The following WDR88 variants were observed in gnomAD, a reference collection of about 807,000 sequenced individuals.
WDR88 encodes WD repeat-containing protein 88.
WDR88 carries 40 observed loss-of-function variants against 46.8 expected under a neutral mutation model. The ratio of observed to expected loss-of-function variants is 0.86; its 90% CI spans 0.66 to 1.11. The LOEUF is 1.11. WDR88 is among the 50% of genes most tolerant of loss of function. The pLI is 0.00. For missense variants in WDR88, 562 were observed against 602.4 expected, an observed-to-expected ratio of 0.93 and a Z score of 0.70; for synonymous variants, 235 against 240.7, an observed-to-expected ratio of 0.98 and a Z score of 0.22.
At position 33,148,753 on chromosome 19, in the gene WDR88, G is replaced by C; in HGVS notation, c.541-19G>C. 1 of 1,614,000 alleles carries C rather than the reference G, an allele frequency of 6.2e-7. No individual in the cohort carries two copies. ...CACACCTGGCTTAAAACAACCTTTT[G>C]ATTGCTGGCTCATTTCAGTGGAAGG... On this transcript the variant is annotated intron_variant, in intron 4 of 10. Coordinates refer to ENST00000355868, the MANE Select transcript of WDR88 (RefSeq NM_173479.4).
At chr19:33,165,527 C>A (rs1236369035) in intron 9 of WDR88, among the ~76,000 whole-genome samples, 1 of 152,016 alleles carries the variant, frequency 6.6e-6, no homozygotes, top group Non-Finnish European at 1.5e-5. Flanking sequence ...AGCAAAACAA[C>A]AGGACTAGTG....
intron 7 of WDR88, among the ~76,000 whole-genome samples, chr19:33,157,669 G>A (rs397833341): frequency 7.4e-3 from 12 of 1,614 alleles, no homozygotes; most frequent in Admixed American, 0.012. Flanking sequence ...ATGTATGTAT[G>A]TGTGTGTGTG....
At chr19:33,145,634 G>A (rs151274362) in intron 3 of WDR88, among the ~76,000 whole-genome samples, 1 of 150,348 alleles carries the variant, frequency 6.7e-6, no homozygotes, top group Non-Finnish European at 1.5e-5. Flanking sequence ...TCCTGGGTTC[G>A]AGTGATTCTC....
chr19:33,164,214 G>C lies in WDR88; in HGVS notation c.1098G>C (p.Val366=), dbSNP rs753552937. The C allele has an allele frequency of 6.2e-7, 1 of 1,614,040 alleles. No individual in the cohort carries two copies. Among genetic ancestry groups the C allele is most frequent in the Admixed American group, 1.7e-5 (1 of 60,030 alleles). Residue 366 remains valine, a synonymous_variant, in exon 9 of 11, where the codon GTG becomes GTC. Transcript: ENST00000355868. ...KLSLKGHNDW[V]MDVAISNNKK... ...TTCTTCAGGGCCATAATGACTGGGT[G>C]ATGGATGTTGCCATTAGCAACAACA...
intron 1 of WDR88, 35 bp downstream of exon 1, chr19:33,132,480 C>G (rs372088185): frequency 1.6e-4 from 258 of 1,604,702 alleles, no homozygotes; most frequent in Non-Finnish European, 2.1e-4. Flanking sequence ...GGGCACTGGC[C>G]TGTTCCCCAC....
intron 9 of WDR88, among the ~76,000 whole-genome samples, chr19:33,168,655 G>T (rs931283959): frequency 6.6e-6 from 1 of 152,176 alleles, no homozygotes; most frequent in African/African-American, 2.4e-5. Flanking sequence ...TCATGGATAG[G>T]AAGACTCATC....
rs1235139718 is a variant in WDR88, at chr19:33,175,650, T to C, written c.*78T>C. 2.6e-6 allele frequency: 4 copies of C among 1,553,408 alleles called. No homozygotes were observed. Among genetic ancestry groups the C allele is most frequent in the Non-Finnish European group, 2.6e-6 (3 of 1,139,088 alleles). On this transcript the variant is annotated 3_prime_UTR_variant, in exon 11 of 11. Transcript: ENST00000355868. ...TTCGGGGCTTTGCAGGGGCTTTCTCTTGGGCCCCTCCCAGGCTCAGCAGGC... is the reference window on the plus strand; with the variant it reads ...TTCGGGGCTTTGCAGGGGCTTTCTCCTGGGCCCCTCCCAGGCTCAGCAGGC...
intron 4 of WDR88, among the ~76,000 whole-genome samples, chr19:33,148,370 G>T (rs1359059292): frequency 6.6e-6 from 1 of 152,048 alleles, no homozygotes; most frequent in Non-Finnish European, 1.5e-5. Context: ...TAGTGCAAAG[G>T]TCAGTTTGTA....
chr19:33,143,358 A>AG (rs1042582659), intron 2 of WDR88, among the ~76,000 whole-genome samples: 2 of 147,282 alleles, frequency 1.4e-5, no homozygotes, highest in African/African-American at 5.0e-5. Flanking sequence ...AAAAAAAAAA[A>AG]AAAGGCTGGT....
chr19:33,154,716 C>T (rs1973701672), intron 6 of WDR88, among the ~76,000 whole-genome samples: 1 of 152,040 alleles, frequency 6.6e-6, no homozygotes, highest in East Asian at 1.9e-4. Flanking sequence ...TCTGGGTATA[C>T]CTCTGGTTTA....
At chr19:33,147,061 A>C (rs1183090559) in intron 3 of WDR88, among the ~76,000 whole-genome samples, 2 of 146,706 alleles carry the variant, frequency 1.4e-5, no homozygotes, top group East Asian at 2.0e-4. Context: ...TCTCTAAGGA[A>C]AAAAAAAAAA....
At chr19:33,164,456 T>C (rs1043887126) in intron 9 of WDR88, among the ~76,000 whole-genome samples, 191 bp downstream of exon 9, 2 of 152,240 alleles carry the variant, frequency 1.3e-5, no homozygotes, top group African/African-American at 4.8e-5. Flanking sequence ...GTTTGGAGTT[T>C]CCAGGTATTT....
rs529665738 is a variant in WDR88, at chr19:33,167,377, T to TA, written c.1149+3119dup. Among the ~76,000 whole-genome samples, 216 of 151,568 alleles carry TA rather than the reference T, an allele frequency of 1.4e-3. 1 individual carries two copies. The highest frequency in any genetic ancestry group is 4.9e-3 in the African/African-American group (204 of 41,304). On this transcript the variant is annotated intron_variant, in intron 9 of 10. Coordinates refer to ENST00000355868, the MANE Select transcript of WDR88 (RefSeq NM_173479.4). ...ATTCAAAACCCTTTCATTATAATAATAAAAAAACCCAGAAAGCTAGGAATA... is the reference window on the plus strand; with the variant it reads ...ATTCAAAACCCTTTCATTATAATAATAAAAAAAACCCAGAAAGCTAGGAATA...
chr19:33,135,209 C>G (rs1973237949), intron 1 of WDR88, among the ~76,000 whole-genome samples: 1 of 152,108 alleles, frequency 6.6e-6, no homozygotes, highest in African/African-American at 2.4e-5. Flanking sequence ...TTCCCCAATA[C>G]CCATCCTGCC....
At chr19:33,138,311 C>T (rs868370806) in intron 2 of WDR88, among the ~76,000 whole-genome samples, 8 of 152,082 alleles carry the variant, frequency 5.3e-5, no homozygotes, top group East Asian at 3.9e-4. Context: ...CTCGGCCTCC[C>T]GAAGTGCTGG....
intron 9 of WDR88, among the ~76,000 whole-genome samples, chr19:33,167,630 C>T (rs367826550): frequency 2.6e-5 from 4 of 151,880 alleles, no homozygotes; most frequent in South Asian, 4.2e-4. Flanking sequence ...GTAAAATTCT[C>T]TTCCTTTCCT....
chr19:33,174,793 T>G, intron 10 of WDR88: 1 of 985,428 alleles, frequency 1.0e-6, no homozygotes, highest in Non-Finnish European at 1.2e-6. Flanking sequence ...TTGCCACGCA[T>G]GTCCTCAGGA....
intron 9 of WDR88, among the ~76,000 whole-genome samples, chr19:33,172,042 G>A (rs1974047489): frequency 6.6e-6 from 1 of 152,102 alleles, no homozygotes; most frequent in South Asian, 2.1e-4. Flanking sequence ...CGGATTACAG[G>A]CATGAGCCAC....
At chr19:33,140,612 A>T (rs1973370372) in intron 2 of WDR88, among the ~76,000 whole-genome samples, 1 of 152,154 alleles carries the variant, frequency 6.6e-6, no homozygotes, top group Non-Finnish European at 1.5e-5. Flanking sequence ...CAATGTGGTG[A>T]AACCCCGTCT....
Sources: gnomAD v4.1 joint callset for allele counts (sites outside exome capture counted in the v4.1 genomes callset) on GRCh38, gnomAD v4.1.1 for gene constraint, MANE v1.5 for transcripts, NCBI Gene and HGNC (gene_info 2026-07-23, HGNC 2026-07-21) for gene names.